SHOC2: variants seen among roughly 807,000 people sequenced by gnomAD.
The protein encoded by SHOC2 is leucine-rich repeat protein SHOC-2.
In SHOC2, 4 loss-of-function variants were observed where a neutral mutation model predicts 50.2. The ratio of observed to expected loss-of-function variants is 0.08; its 90% CI spans 0.04 to 0.18. SHOC2 has a LOEUF of 0.18. SHOC2 is among the 10% of genes least tolerant of loss of function. The probability of loss-of-function intolerance (pLI) is 1.00; values close to 1 mark genes in which losing one functional copy is unlikely to be tolerated. For synonymous variants in SHOC2, 218 were observed against 244.5 expected (o/e 0.89, Z 1.01); for missense variants, 388 against 669.6 (o/e 0.58, Z 4.64).
chr10:110,963,374 C>G (rs942377055), intron 1 of SHOC2, among the ~76,000 whole-genome samples: 6 of 152,252 alleles, frequency 3.9e-5, no homozygotes, highest in South Asian at 2.1e-4. Flanking sequence ...TGCCCTTTGT[C>G]ACTGGTTTTC....
At chr10:110,992,792 C>T (rs1191621554) in intron 3 of SHOC2, among the ~76,000 whole-genome samples, 3 of 152,110 alleles carry the variant, frequency 2.0e-5, no homozygotes, top group Non-Finnish European at 4.4e-5. Context: ...TTTTAACATT[C>T]AGGAATTTCT....
chr10:111,007,739 A>G (rs1205791733), intron 6 of SHOC2, 86 bp downstream of exon 6: 18 of 1,283,492 alleles, frequency 1.4e-5, no homozygotes, highest in Non-Finnish European at 1.9e-5. Flanking sequence ...AGCAATTTCT[A>G]TTTGGGTGAA....
chr10:110,945,493 G>A (rs541421874), intron 1 of SHOC2, among the ~76,000 whole-genome samples: 1 of 152,280 alleles, frequency 6.6e-6, no homozygotes, highest in African/African-American at 2.4e-5. Context: ...ATGCAACTTG[G>A]ATGCAAGCTT....
At chr10:111,004,552 A>C in intron 4 of SHOC2, 54 bp from the exon 5 acceptor site, 2 of 1,349,484 alleles carry the variant, frequency 1.5e-6, no homozygotes, top group Admixed American at 3.4e-5. Flanking sequence ...TGTTCTATAA[A>C]AAATGAGTCT....
At chr10:111,007,935 C>G (rs1325879431) in intron 6 of SHOC2, among the ~76,000 whole-genome samples, 1 of 151,744 alleles carries the variant, frequency 6.6e-6, no homozygotes, top group Admixed American at 6.6e-5. Context: ...TCTTTTAGAA[C>G]AATTTTTTTC....
At chr10:110,923,604 T>TA (rs1190890846) in intron 1 of SHOC2, among the ~76,000 whole-genome samples, 1 of 152,156 alleles carries the variant, frequency 6.6e-6, no homozygotes. Context: ...TCACACTGTA[T>TA]ATCTCATTCC....
chr10:110,987,102 C>A (rs1283262015), intron 3 of SHOC2, among the ~76,000 whole-genome samples: 1 of 152,104 alleles, frequency 6.6e-6, no homozygotes. Flanking sequence ...AATAACTTAG[C>A]CTTTTAGCTG....
chr10:110,973,111 T>A (rs995163602), intron 2 of SHOC2, among the ~76,000 whole-genome samples: 1 of 152,222 alleles, frequency 6.6e-6, no homozygotes, highest in African/African-American at 2.4e-5. Context: ...AATAATGTTC[T>A]GGTATAAATT....
At chr10:110,933,090 CTGA>C (rs1203554695) in intron 1 of SHOC2, among the ~76,000 whole-genome samples, 10 of 152,026 alleles carry the variant, frequency 6.6e-5, no homozygotes, top group African/African-American at 2.4e-4. Context: ...TAAATGATCT[CTGA>C]TTATTATATA....
Position 111,000,588 on chromosome 10 carries a change from C to T in SHOC2, c.972+43C>T, listed in dbSNP as rs1179715568. 2.0e-6 allele frequency: 3 copies of T among 1,528,922 alleles called. No homozygotes were observed. The African/African-American group carries it at 4.1e-5, about 21-fold the overall frequency. 94.7% of individuals were successfully genotyped at this position (1,528,922 alleles called of 1,614,324 possible). ...GAAAACAAGATTTGAAATGAGTCTGCAAGATAATTCAAGGAAAGCTAGTAA... is the reference window on the plus strand; with the variant it reads ...GAAAACAAGATTTGAAATGAGTCTGTAAGATAATTCAAGGAAAGCTAGTAA... On this transcript the variant is annotated intron_variant, in intron 4 of 8. Transcript: ENST00000369452.
intron 1 of SHOC2, among the ~76,000 whole-genome samples, chr10:110,938,476 TA>T (rs1408604410): frequency 6.6e-6 from 1 of 152,144 alleles, no homozygotes; most frequent in Non-Finnish European, 1.5e-5. Flanking sequence ...TTTATAATAA[TA>T]AAATTTGATC....
rs1020912460 is a variant in SHOC2 at position 110,971,515 on chromosome 10, T to G, written c.703+6454T>G. The stretch of plus-strand genomic sequence containing the variant: ...CTCCAATTTTGTCCTTTTTGCCCAG[T>G]ATTGCTTTGGCTATTTAGAGTCTTC... On this transcript the variant is annotated intron_variant, in intron 2 of 8. Coordinates refer to ENST00000369452, the MANE Select transcript of SHOC2 (RefSeq NM_007373.4). Among the ~76,000 whole-genome samples, 122 of 152,130 alleles carry G rather than the reference T, an allele frequency of 8.0e-4. 2 individuals are homozygous for G. The highest frequency in any genetic ancestry group is 2.6e-4 in the Non-Finnish European group (18 of 67,976).
At chr10:110,920,739 C>T (rs988653960) in intron 1 of SHOC2, among the ~76,000 whole-genome samples, 2 of 152,160 alleles carry the variant, frequency 1.3e-5, no homozygotes, top group Non-Finnish European at 2.9e-5. Flanking sequence ...AGAGGAAGCA[C>T]TGTTTTGCAA....
chr10:110,970,926 T>C (rs1054867249), intron 2 of SHOC2, among the ~76,000 whole-genome samples: 3 of 152,112 alleles, frequency 2.0e-5, no homozygotes, highest in African/African-American at 7.2e-5. Context: ...ATGATGATTA[T>C]TGTTTTGCTG....
At chr10:110,928,740 C>CA (rs1846827732) in intron 1 of SHOC2, among the ~76,000 whole-genome samples, 1 of 152,004 alleles carries the variant, frequency 6.6e-6, no homozygotes. Flanking sequence ...ACCAAAAATA[C>CA]AAAAATTAAC....
chr10:110,935,671 A>G (rs1846992343), intron 1 of SHOC2, among the ~76,000 whole-genome samples: 1 of 152,060 alleles, frequency 6.6e-6, no homozygotes, highest in Admixed American at 6.5e-5. Flanking sequence ...TAGCTAATTT[A>G]TATTTATTAT....
intron 2 of SHOC2, among the ~76,000 whole-genome samples, chr10:110,972,131 GTAT>G (rs1437114720): frequency 2.7e-5 from 4 of 150,538 alleles, no homozygotes; most frequent in East Asian, 1.9e-4. Context: ...TAGTATTATA[GTAT>G]TATGGTATTA....
At chr10:110,928,857 T>C (rs1846831004) in intron 1 of SHOC2, among the ~76,000 whole-genome samples, 1 of 152,196 alleles carries the variant, frequency 6.6e-6, no homozygotes, top group Non-Finnish European at 1.5e-5. Flanking sequence ...ATCTTGCCAC[T>C]GTACTCCAGC....
At chr10:110,973,615 T>C (rs987554363) in intron 2 of SHOC2, among the ~76,000 whole-genome samples, 1 of 152,134 alleles carries the variant, frequency 6.6e-6, no homozygotes, top group African/African-American at 2.4e-5. Context: ...GCAGAATTAG[T>C]ATTATTTCCT....
Sources: gnomAD v4.1 joint callset for allele counts (sites outside exome capture counted in the v4.1 genomes callset) on GRCh38, gnomAD v4.1.1 for gene constraint, MANE v1.5 for transcripts, NCBI Gene and HGNC (gene_info 2026-07-23, HGNC 2026-07-21) for gene names.